Variants in KCNH1 observed in about 807,000 individuals in gnomAD.
KCNH1 encodes potassium voltage-gated channel subfamily H member 1.
In KCNH1, 27 loss-of-function variants were observed where a neutral mutation model predicts 69.2. The ratio of observed to expected loss-of-function variants is 0.39; its 90% CI spans 0.29 to 0.54. KCNH1 has a LOEUF of 0.54. KCNH1 is among the 20% of genes least tolerant of loss of function. The pLI is 0.68. For missense variants in KCNH1, 798 were observed against 1,261.6 expected, an observed-to-expected ratio of 0.63 and a Z score of 5.57; for synonymous variants, 456 against 487.7, an observed-to-expected ratio of 0.93 and a Z score of 0.86.
chr1:210,920,792 T>C (rs1433200575), intron 6 of KCNH1, among the ~76,000 whole-genome samples: 3 of 152,226 alleles, frequency 2.0e-5, no homozygotes, highest in Non-Finnish European at 4.4e-5. Flanking sequence ...TAGAAGGCCA[T>C]ATCACTTCTG....
chr1:210,914,474 G>A (rs964321647), intron 7 of KCNH1, among the ~76,000 whole-genome samples: 2 of 152,064 alleles, frequency 1.3e-5, no homozygotes, highest in Admixed American at 1.3e-4. Flanking sequence ...GAATGCAAGT[G>A]ACAATACAAG....
chr1:211,036,536 A>G (rs187567553), intron 5 of KCNH1, among the ~76,000 whole-genome samples: 26 of 152,310 alleles, frequency 1.7e-4, no homozygotes, highest in African/African-American at 4.6e-4. Context: ...AACTATCTGG[A>G]AAGAGGTTAG....
chr1:210,931,608 C>T (rs1019083382), intron 6 of KCNH1, among the ~76,000 whole-genome samples: 2 of 152,002 alleles, frequency 1.3e-5, no homozygotes, highest in African/African-American at 2.4e-5. Flanking sequence ...CAGAAATCAC[C>T]ACTAAATAAC....
chr1:210,857,788 G>T (rs1458777290), intron 7 of KCNH1, among the ~76,000 whole-genome samples: 8 of 152,124 alleles, frequency 5.3e-5, no homozygotes, highest in Non-Finnish European at 2.9e-5. Context: ...GATCAATAAA[G>T]GCTTATTTTT....
chr1:210,741,163 GA>G (rs1683019795), intron 10 of KCNH1, among the ~76,000 whole-genome samples: 1 of 152,164 alleles, frequency 6.6e-6, no homozygotes, highest in Non-Finnish European at 1.5e-5. Context: ...AGTATAAGAA[GA>G]AGTGCTTTCT....
chr1:210,710,768 T>TCTGCACACCCCCGC (rs140357807), intron 10 of KCNH1, among the ~76,000 whole-genome samples: 1 of 150,088 alleles, frequency 6.7e-6, no homozygotes, highest in African/African-American at 2.4e-5. Context: ...CACCCGCTGC[T>TCTGCACACCCCCGC]CTGCACAGAC....
chr1:211,039,365 CAATGTGGAAGGGA>C (rs561181365), intron 5 of KCNH1, among the ~76,000 whole-genome samples: 2 of 152,282 alleles, frequency 1.3e-5, no homozygotes, highest in South Asian at 4.1e-4. Flanking sequence ...CCTTCTAGGG[CAATGTGGAAGGGA>C]AATGTGGGGT....
intron 7 of KCNH1, among the ~76,000 whole-genome samples, chr1:210,834,832 G>A (rs1263206347): frequency 6.6e-6 from 1 of 152,064 alleles, no homozygotes; most frequent in Non-Finnish European, 1.5e-5. Flanking sequence ...TGGTGTCTAT[G>A]AGCCAGGAAG....
intron 7 of KCNH1, chr1:210,861,149 C>A (rs1442621106): frequency 1.2e-5 from 11 of 899,880 alleles, no homozygotes; most frequent in Non-Finnish European, 2.1e-5. Context: ...AAACTTCATG[C>A]GTATATACTC....
chr1:210,973,403 A>AT (rs1196523412), intron 6 of KCNH1, among the ~76,000 whole-genome samples: 2 of 152,140 alleles, frequency 1.3e-5, no homozygotes, highest in Non-Finnish European at 2.9e-5. Context: ...CTTTCTCTCA[A>AT]TTCTATACCT....
chr1:210,690,847 C>T (rs935913878), intron 10 of KCNH1, among the ~76,000 whole-genome samples: 1 of 152,166 alleles, frequency 6.6e-6, no homozygotes, highest in African/African-American at 2.4e-5. Context: ...ACAGCACTGT[C>T]CTCCAGGAGA....
intron 10 of KCNH1, among the ~76,000 whole-genome samples, chr1:210,728,868 C>G (rs980723475): frequency 6.6e-6 from 1 of 152,232 alleles, no homozygotes; most frequent in Non-Finnish European, 1.5e-5. Flanking sequence ...GCATGCTGCT[C>G]TTCTCTGACC....
At chr1:210,765,424 G>C (rs1683609409) in intron 10 of KCNH1, among the ~76,000 whole-genome samples, 1 of 152,148 alleles carries the variant, frequency 6.6e-6, no homozygotes, top group Non-Finnish European at 1.5e-5. Context: ...ACCACAAAAA[G>C]AGTATGGGCT....
intron 9 of KCNH1, among the ~76,000 whole-genome samples, chr1:210,796,970 T>G (rs1684327911): frequency 6.6e-6 from 1 of 152,172 alleles, no homozygotes; most frequent in Non-Finnish European, 1.5e-5. Flanking sequence ...TGCCACGATC[T>G]GCCTAGTGCT....
intron 5 of KCNH1, among the ~76,000 whole-genome samples, chr1:211,027,091 T>C (rs573426936): frequency 3.3e-5 from 5 of 152,240 alleles, no homozygotes; most frequent in Non-Finnish European, 5.9e-5. Context: ...TCAAATGGAA[T>C]GAAAAACAGG....
chr1:211,092,258 A>G (rs1691065931), intron 3 of KCNH1, among the ~76,000 whole-genome samples: 1 of 152,208 alleles, frequency 6.6e-6, no homozygotes, highest in East Asian at 1.9e-4. Context: ...CAAACTCTGT[A>G]CTAAACACCA....
At chr1:210,686,727 C>G (rs565159199) in intron 10 of KCNH1, among the ~76,000 whole-genome samples, 4 of 152,272 alleles carry the variant, frequency 2.6e-5, no homozygotes, top group Non-Finnish European at 5.9e-5. Flanking sequence ...TTCACTTGAG[C>G]AAGTTTGGGT....
At chr1:211,113,746 G>A (rs1008425886) in intron 1 of KCNH1, among the ~76,000 whole-genome samples, 7 of 152,204 alleles carry the variant, frequency 4.6e-5, no homozygotes, top group Admixed American at 6.5e-5. Context: ...CCAACTGCCC[G>A]TGGCTGCTGA....
chr1:210,797,337 C>T (rs1558473598), intron 9 of KCNH1, among the ~76,000 whole-genome samples, 171 bp downstream of exon 9: 1 of 152,204 alleles, frequency 6.6e-6, no homozygotes, highest in Non-Finnish European at 1.5e-5. Context: ...CAGTGACTGG[C>T]TTTGTGCCAA....
Sources: allele counts gnomAD v4.1 joint callset (sites outside exome capture counted in the v4.1 genomes callset), GRCh38; gene constraint gnomAD v4.1.1; transcripts MANE v1.5; gene names NCBI Gene and HGNC (gene_info 2026-07-23, HGNC 2026-07-21).